ST3GAL3: variants seen among roughly 807,000 people sequenced by gnomAD.
ST3GAL3 encodes ST3 beta-galactoside alpha-2,3-sialyltransferase 3.
Under a neutral mutation model 50.1 loss-of-function variants are expected in ST3GAL3, and 21 were observed. That is an observed-to-expected ratio of 0.42 (90% confidence interval 0.30 to 0.60). ST3GAL3 has a LOEUF of 0.60. ST3GAL3 is among the 20% of genes least tolerant of loss of function. The pLI is 0.19. For synonymous variants in ST3GAL3, 183 were observed against 190.0 expected (o/e 0.96, Z 0.30); for missense variants, 353 against 489.4 (o/e 0.72, Z 2.63).
At chr1:43,787,242 A>G (rs2057460781) in intron 2 of ST3GAL3, among the ~76,000 whole-genome samples, 1 of 152,226 alleles carries the variant, frequency 6.6e-6, no homozygotes, top group African/African-American at 2.4e-5. Flanking sequence ...GGAGCCAGGA[A>G]CAGCTGGAGC....
At chr1:43,774,112 T>C (rs1431870657) in intron 2 of ST3GAL3, among the ~76,000 whole-genome samples, 3 of 152,140 alleles carry the variant, frequency 2.0e-5, no homozygotes, top group Non-Finnish European at 4.4e-5. Flanking sequence ...GAGTAAAATT[T>C]ATTCAAACAC....
intron 2 of ST3GAL3, among the ~76,000 whole-genome samples, chr1:43,742,517 T>C (rs1681404552): frequency 6.6e-6 from 1 of 152,178 alleles, no homozygotes; most frequent in African/African-American, 2.4e-5. Flanking sequence ...GATAACAGTA[T>C]TCATAGTTTT....
chr1:43,876,459 T>G (rs2074137288), intron 5 of ST3GAL3, among the ~76,000 whole-genome samples: 1 of 152,162 alleles, frequency 6.6e-6, no homozygotes, highest in South Asian at 2.1e-4. Flanking sequence ...GCATCGGGAT[T>G]GAGGCTCTTA....
At chr1:43,809,303 G>A (rs2060261402) in intron 3 of ST3GAL3, among the ~76,000 whole-genome samples, 2 of 152,144 alleles carry the variant, frequency 1.3e-5, no homozygotes, top group Non-Finnish European at 2.9e-5. Context: ...GAAAAATACA[G>A]TGTCTGAGAT....
intron 3 of ST3GAL3, among the ~76,000 whole-genome samples, chr1:43,803,035 C>T (rs1444115837): frequency 1.3e-5 from 2 of 152,080 alleles, no homozygotes; most frequent in Non-Finnish European, 2.9e-5. Flanking sequence ...AAATGATTCT[C>T]CTGCCTCAGC....
intron 5 of ST3GAL3, among the ~76,000 whole-genome samples, chr1:43,893,308 G>A (rs890549310): frequency 6.6e-6 from 1 of 152,186 alleles, no homozygotes; most frequent in Non-Finnish European, 1.5e-5. Context: ...ACAGAGCCAC[G>A]GAGGCCCAGG....
chr1:43,842,309 T>C (rs1298791801), intron 5 of ST3GAL3: 2 of 152,132 alleles, frequency 1.3e-5, no homozygotes, highest in Non-Finnish European at 2.9e-5. Context: ...TTTCTAACAA[T>C]ACCCTACTCC....
chr1:43,806,903 C>G (rs996174301), intron 3 of ST3GAL3, among the ~76,000 whole-genome samples: 1 of 152,158 alleles, frequency 6.6e-6, no homozygotes, highest in Non-Finnish European at 1.5e-5. Flanking sequence ...GTTGCCCAGG[C>G]TGGTCTCACA....
At chr1:43,768,319 A>C (rs1693877120) in intron 2 of ST3GAL3, among the ~76,000 whole-genome samples, 1 of 152,144 alleles carries the variant, frequency 6.6e-6, no homozygotes, top group African/African-American at 2.4e-5. Context: ...ACATGCCTGC[A>C]GTCCTAGCTA....
intron 2 of ST3GAL3, among the ~76,000 whole-genome samples, chr1:43,741,425 A>G (rs1680876632): frequency 6.6e-6 from 1 of 152,372 alleles, no homozygotes; most frequent in South Asian, 2.1e-4. Flanking sequence ...ATAAAAGATT[A>G]TAACCAGATA....
At chr1:43,865,559 C>A (rs560803304) in intron 5 of ST3GAL3, among the ~76,000 whole-genome samples, 24 of 152,200 alleles carry the variant, frequency 1.6e-4, no homozygotes, top group Non-Finnish European at 2.6e-4. Context: ...ATACATAATC[C>A]TTACCCCAGA....
chr1:43,714,995 C>T (rs1391932375), intron 1 of ST3GAL3, among the ~76,000 whole-genome samples: 2 of 152,120 alleles, frequency 1.3e-5, no homozygotes, highest in African/African-American at 4.8e-5. Context: ...TCATAAATTT[C>T]CTCTTCCTTG....
In ST3GAL3 at chr1:43,855,895, C is replaced by T. The variant is rs542888597; in HGVS notation, c.302+17584C>T. The stretch of plus-strand genomic sequence containing the variant: ...TGCCTAGCATAAACAGGTATACTAA[C>T]GACAGGCATGAACAGGTTACTAATG... On this transcript the variant is annotated intron_variant, in intron 5 of 11. Transcript: ENST00000347631. 1.3e-4 allele frequency among the ~76,000 whole-genome samples: 19 copies of T among 151,932 alleles called. No homozygotes were observed. The South Asian group carries it at 3.1e-3, about 25-fold the overall frequency.
intron 4 of ST3GAL3, among the ~76,000 whole-genome samples, chr1:43,833,033 TTAAAC>T (rs2063753673): frequency 1.3e-5 from 2 of 152,146 alleles, no homozygotes; most frequent in African/African-American, 4.8e-5. Context: ...AAGGAATGCT[TTAAAC>T]TAAATTAGCA....
At chr1:43,771,386 G>A (rs1572535781) in intron 2 of ST3GAL3, among the ~76,000 whole-genome samples, 1 of 150,978 alleles carries the variant, frequency 6.6e-6, no homozygotes, top group African/African-American at 2.4e-5. Flanking sequence ...TGGAGACAGA[G>A]TCTCGCTGTC....
rs200594067 is a variant in ST3GAL3, at chr1:43,874,092, CTG to C, written c.303-20287_303-20286del. On this transcript the variant is annotated intron_variant, in intron 5 of 11. Coordinates refer to ENST00000347631, the MANE Select transcript of ST3GAL3 (RefSeq NM_006279.5). Reference sequence around the variant, plus strand: ...AAAGTATTACAAAAGGAGTAATTAACTGTGTAATATGTTGCTGGTAGGCAGGA... The same window carrying C: ...AAAGTATTACAAAAGGAGTAATTAACTGTAATATGTTGCTGGTAGGCAGGA... 6.0e-3 allele frequency among the ~76,000 whole-genome samples: 906 copies of C among 152,214 alleles called. 30 individuals are homozygous for C. The highest frequency in any genetic ancestry group is 0.052 in the Admixed American group (801 of 15,274).
At chr1:43,858,383 G>A in intron 5 of ST3GAL3, 2 of 1,193,998 alleles carry the variant, frequency 1.7e-6, no homozygotes, top group Non-Finnish European at 2.1e-6. Flanking sequence ...CCAGGCTCCA[G>A]CCTAGGAGCA....
chr1:43,824,523 C>T (rs1022123389), intron 4 of ST3GAL3, among the ~76,000 whole-genome samples: 3 of 152,172 alleles, frequency 2.0e-5, no homozygotes, highest in Admixed American at 2.0e-4. Flanking sequence ...AGTCTGGTTT[C>T]CAAAATGCAG....
At chr1:43,792,828 G>A (rs2058247073) in intron 3 of ST3GAL3, among the ~76,000 whole-genome samples, 1 of 152,188 alleles carries the variant, frequency 6.6e-6, no homozygotes. Flanking sequence ...CAGGAAGTGG[G>A]AAGAGACTAC....
Sources: allele counts gnomAD v4.1 joint callset (sites outside exome capture counted in the v4.1 genomes callset), GRCh38; gene constraint gnomAD v4.1.1; transcripts MANE v1.5; gene names NCBI Gene and HGNC (gene_info 2026-07-23, HGNC 2026-07-21).